Variants in CEP162 observed in about 807,000 individuals in gnomAD.
CEP162 encodes the protein centrosomal protein of 162 kDa.
In CEP162, 141 loss-of-function variants were observed where a neutral mutation model predicts 169.2. The observed-to-expected ratio is 0.83, with a 90% confidence interval of 0.73 to 0.96. The LOEUF (loss-of-function observed/expected upper bound fraction) is 0.96, where lower values mean the gene tolerates loss of function less well. CEP162 is among the 40% of genes least tolerant of loss of function. The probability of loss-of-function intolerance (pLI) is 0.00; values close to 1 mark genes in which losing one functional copy is unlikely to be tolerated. For synonymous variants in CEP162, 540 were observed against 526.4 expected (o/e 1.03, Z -0.35); for missense variants, 1,600 against 1,587.2 (o/e 1.01, Z -0.14).
At chr6:84,205,031 C>A (rs1057415710) in intron 6 of CEP162, among the ~76,000 whole-genome samples, 7 of 152,084 alleles carry the variant, frequency 4.6e-5, no homozygotes, top group African/African-American at 1.7e-4. Flanking sequence ...CAGGAAGAAG[C>A]TGAATCCCTG....
At position 84,138,677 on chromosome 6, in the gene CEP162, TTAAAG is replaced by T. The variant is rs531662596; in HGVS notation, c.3870+8005_3870+8009del. Reference sequence around the variant, plus strand: ...CTATTTTCAAGTATTTTAGATATTCTTAAAGTAAGAACTGTCTTACCATTGTATTG... The same window carrying T: ...CTATTTTCAAGTATTTTAGATATTCTTAAGAACTGTCTTACCATTGTATTG... On this transcript the variant is annotated intron_variant, in intron 25 of 26. Transcript: ENST00000403245. Among the ~76,000 whole-genome samples, 258 of 152,336 alleles carry T rather than the reference TTAAAG, an allele frequency of 1.7e-3. 1 individual carries two copies. The highest frequency in any genetic ancestry group is 5.8e-3 in the African/African-American group (243 of 41,582).
intron 25 of CEP162, among the ~76,000 whole-genome samples, chr6:84,142,201 G>A (rs751424734): frequency 6.6e-6 from 1 of 152,136 alleles, no homozygotes; most frequent in Non-Finnish European, 1.5e-5. Flanking sequence ...AAAATTTTAA[G>A]TCTTCCTCAG....
chr6:84,133,569 T>C (rs1469268340), intron 25 of CEP162, among the ~76,000 whole-genome samples: 1 of 152,180 alleles, frequency 6.6e-6, no homozygotes, highest in Non-Finnish European at 1.5e-5. Flanking sequence ...CAACGGCGGA[T>C]GCCCCTCCCC....
chr6:84,131,305 GTGC>G (rs2099511319), intron 25 of CEP162, among the ~76,000 whole-genome samples: 1 of 151,856 alleles, frequency 6.6e-6, no homozygotes, highest in Non-Finnish European at 1.5e-5. Flanking sequence ...TAAGTGTGAT[GTGC>G]TGAGAAGAAT....
chr6:84,195,654 G>T (rs2099541820), intron 9 of CEP162, among the ~76,000 whole-genome samples: 3 of 151,834 alleles, frequency 2.0e-5, no homozygotes, highest in African/African-American at 7.3e-5. Flanking sequence ...GTCAAACATT[G>T]TTTTTTTTCC....
intron 18 of CEP162, among the ~76,000 whole-genome samples, chr6:84,165,686 T>A (rs1414480492): frequency 1.3e-5 from 2 of 152,176 alleles, no homozygotes; most frequent in Non-Finnish European, 2.9e-5. Context: ...CCTATGAAAC[T>A]ACTGGACTCA....
At chr6:84,175,713 G>C (rs1229544691) in intron 13 of CEP162, among the ~76,000 whole-genome samples, 3 of 152,096 alleles carry the variant, frequency 2.0e-5, no homozygotes, top group Admixed American at 2.0e-4. Context: ...ATTTCTAAAT[G>C]ACAAATCAAG....
At chr6:84,192,742 T>C (rs1344442696) in intron 11 of CEP162, among the ~76,000 whole-genome samples, 1 of 152,192 alleles carries the variant, frequency 6.6e-6, no homozygotes, top group Non-Finnish European at 1.5e-5. Context: ...ACAATGTAAG[T>C]GGTTAAGCAC....
chr6:84,155,368 T>G lies in CEP162; in HGVS notation c.2924A>C (p.Asp975Ala). The G allele has an allele frequency of 6.2e-7, 1 of 1,613,728 alleles. No individual in the cohort carries two copies. The highest frequency in any genetic ancestry group is 8.5e-7 in the Non-Finnish European group (1 of 1,179,730). The change falls in exon 22 of 27, where the codon GAT (aspartate) becomes GCT (alanine). Residue 975 changes from aspartate (D) to alanine (A), a missense_variant. By Grantham distance (126) the Asp-to-Ala change is moderately radical. Coordinates refer to ENST00000403245, the MANE Select transcript of CEP162 (RefSeq NM_014895.4). ...TGCATCTTCATCTTTGCCCTCCAGATCAGCTTCTAGCTTTTTTATCCTTTT... is the reference window on the plus strand; with the variant it reads ...TGCATCTTCATCTTTGCCCTCCAGAGCAGCTTCTAGCTTTTTTATCCTTTT... ...MEKRIKKLEA[D>A]LEGKDEDAKK...
Position 84,176,826 on chromosome 6 carries a change from C to G in CEP162, c.1664-1479G>C, listed in dbSNP as rs531227624. ...CTGCCAGTCCTTTTATGCCAGAGTT[C>G]TCCCTTCTTGAATTCTTAATTTTGA... On this transcript the variant is annotated intron_variant, in intron 13 of 26. Transcript: ENST00000403245. Among the ~76,000 whole-genome samples the G allele has an allele frequency of 5.3e-5, 8 of 151,978 alleles. No homozygotes were observed. The East Asian group carries it at 1.2e-3, about 22-fold the overall frequency.
At chr6:84,162,923 A>G (rs192704197) in intron 19 of CEP162, among the ~76,000 whole-genome samples, 127 of 152,330 alleles carry the variant, frequency 8.3e-4, no homozygotes, top group African/African-American at 2.7e-3. Context: ...AAATGCCATG[A>G]ATCCAAAATA....
intron 25 of CEP162, among the ~76,000 whole-genome samples, chr6:84,128,402 C>T (rs2099509801): frequency 6.6e-6 from 1 of 152,008 alleles, no homozygotes; most frequent in Non-Finnish European, 1.5e-5. Context: ...GCTATGTACA[C>T]ATTATTTAAA....
chr6:84,140,476 T>A (rs936965866), intron 25 of CEP162, among the ~76,000 whole-genome samples: 3 of 152,162 alleles, frequency 2.0e-5, no homozygotes, highest in African/African-American at 7.2e-5. Context: ...TTGCAGACTT[T>A]TTTGAGGAAG....
chr6:84,191,196 G>A (rs749193791), intron 11 of CEP162, among the ~76,000 whole-genome samples: 1 of 152,016 alleles, frequency 6.6e-6, no homozygotes, highest in Non-Finnish European at 1.5e-5. Flanking sequence ...CAGTGACTGG[G>A]AACCTTAAAG....
At chr6:84,135,828 A>T (rs2099513838) in intron 25 of CEP162, among the ~76,000 whole-genome samples, 1 of 152,128 alleles carries the variant, frequency 6.6e-6, no homozygotes, top group Non-Finnish European at 1.5e-5. Flanking sequence ...GTGCCACTGC[A>T]CTCCAGCCTG....
intron 23 of CEP162, 65 bp downstream of exon 23, chr6:84,152,480 C>T (rs556383866): frequency 8.3e-6 from 7 of 843,598 alleles, no homozygotes; most frequent in African/African-American, 3.5e-5. Context: ...GGAAATATAT[C>T]GTATAATTTT....
chr6:84,188,614 T>A (rs931693734), intron 11 of CEP162, among the ~76,000 whole-genome samples: 1 of 152,244 alleles, frequency 6.6e-6, no homozygotes, highest in East Asian at 1.9e-4. Context: ...TATCACACTT[T>A]CTTTATCCAG....
intron 6 of CEP162, among the ~76,000 whole-genome samples, chr6:84,206,452 A>G (rs1305251102): frequency 6.6e-6 from 1 of 152,226 alleles, no homozygotes; most frequent in Non-Finnish European, 1.5e-5. Context: ...CAAACCTGAC[A>G]AAAATAAGAA....
intron 23 of CEP162, 142 bp from the exon 24 acceptor site, chr6:84,149,845 CTTTATACAT>C: frequency 1.8e-6 from 1 of 545,592 alleles, no homozygotes; most frequent in Non-Finnish European, 3.0e-6. Flanking sequence ...GTGTTAGGTG[CTTTATACAT>C]TACTACTGCC....
Sources: gnomAD v4.1 joint callset for allele counts (sites outside exome capture counted in the v4.1 genomes callset) on GRCh38, gnomAD v4.1.1 for gene constraint, MANE v1.5 for transcripts, NCBI Gene and HGNC (gene_info 2026-07-23, HGNC 2026-07-21) for gene names.